TP53BP2: variants seen among roughly 807,000 people sequenced by gnomAD.
TP53BP2 encodes the protein apoptosis-stimulating of p53 protein 2.
Under a neutral mutation model 126.2 loss-of-function variants are expected in TP53BP2, and 62 were observed. The ratio of observed to expected loss-of-function variants is 0.49; its 90% CI spans 0.40 to 0.61. The LOEUF is 0.61. TP53BP2 is among the 20% of genes least tolerant of loss of function. The pLI, the probability that TP53BP2 is intolerant of heterozygous loss-of-function variation, is 0.00. For missense variants in TP53BP2, 1,215 were observed against 1,402.8 expected, an observed-to-expected ratio of 0.87 and a Z score of 2.14; for synonymous variants, 485 against 502.9, an observed-to-expected ratio of 0.96 and a Z score of 0.48.
Position 223,845,759 on chromosome 1 carries a change from G to A in TP53BP2, c.-79C>T, listed in dbSNP as rs985634419. 66 of 1,382,754 alleles carry A rather than the reference G, an allele frequency of 4.8e-5. No homozygotes were observed. Among genetic ancestry groups the A allele is most frequent in the Non-Finnish European group, 5.9e-5 (63 of 1,059,946 alleles). 85.7% of individuals were successfully genotyped at this position (1,382,754 alleles called of 1,614,324 possible). A position where few individuals can be genotyped will look rare whatever the true frequency, so the allele number is the denominator to read the frequency against. ...CGCGGATGCGGGGGAGGGGAGCGGA[G>A]AGCGAGGCCGCCCGGACCTGTTGCG... is the stretch of plus-strand genomic sequence containing the variant. On this transcript the variant is annotated 5_prime_UTR_variant, in exon 1 of 18. Transcript: ENST00000343537.
At chr1:223,797,902 T>G (rs1662387524) in intron 12 of TP53BP2, among the ~76,000 whole-genome samples, 1 of 152,112 alleles carries the variant, frequency 6.6e-6, no homozygotes, top group African/African-American at 2.4e-5. Flanking sequence ...CAAGAACATC[T>G]GGTCAACCTA....
chr1:223,802,009 A>T, intron 9 of TP53BP2, 107 bp downstream of exon 9: 1 of 1,130,120 alleles, frequency 8.8e-7, no homozygotes, highest in Non-Finnish European at 1.3e-6. Context: ...AAGGATTTTT[A>T]GAATTCAAAC....
chr1:223,821,192 A>G, intron 2 of TP53BP2, 28 bp downstream of exon 2: 1 of 1,613,818 alleles, frequency 6.2e-7, no homozygotes, highest in South Asian at 1.1e-5. Flanking sequence ...CAGAAGAACT[A>G]AAGCACGAGG....
At chr1:223,816,348 G>A (rs2102867956) in intron 2 of TP53BP2, among the ~76,000 whole-genome samples, 1 of 152,150 alleles carries the variant, frequency 6.6e-6, no homozygotes, top group East Asian at 1.9e-4. Flanking sequence ...GGAGAAGAAA[G>A]GCTAAACACT....
intron 5 of TP53BP2, among the ~76,000 whole-genome samples, chr1:223,805,136 T>A (rs781654664): frequency 2.2e-4 from 34 of 152,128 alleles, no homozygotes; most frequent in Non-Finnish European, 3.2e-4. Flanking sequence ...TAGATTAGTA[T>A]GCCTAGAACA....
chr1:223,794,496 G>A (rs183830895), intron 13 of TP53BP2, among the ~76,000 whole-genome samples: 1 of 152,256 alleles, frequency 6.6e-6, no homozygotes, highest in Admixed American at 6.5e-5. Context: ...AATCGAGAAG[G>A]AAAAGGTAAG....
chr1:223,831,478 A>ATATATAT (rs1397956645), intron 1 of TP53BP2, among the ~76,000 whole-genome samples: 58 of 43,536 alleles, frequency 1.3e-3, no homozygotes, highest in Non-Finnish European at 1.5e-3. Context: ...AAAAAAAAAA[A>ATATATAT]AAATATATAT....
chr1:223,798,130 T>A, intron 12 of TP53BP2, 85 bp downstream of exon 12: 1 of 1,246,620 alleles, frequency 8.0e-7, no homozygotes, highest in South Asian at 1.4e-5. Flanking sequence ...AAAATAGGGA[T>A]TAGTTATTTT....
rs776966917 is a variant in TP53BP2, at chr1:223,796,592, T to C, written c.1949-2A>G. ...CAGCAATTACAGGCTTACCATATAC[T>C]AATTGGAAAAGGAAAAAAAAAAGCC... On this transcript the variant is annotated splice_acceptor_variant, in intron 12 of 17. Coordinates refer to ENST00000343537, the MANE Select transcript of TP53BP2 (RefSeq NM_001031685.3). LOFTEE classifies it high-confidence loss of function. The surrounding 1 kb of genome is among the most constrained non-coding windows in gnomAD (Gnocchi z 4.2). 6.5e-7 allele frequency: 1 copy of C among 1,541,130 alleles called. No individual in the cohort carries two copies. Among genetic ancestry groups the C allele is most frequent in the Non-Finnish European group, 8.7e-7 (1 of 1,151,484 alleles).
intron 1 of TP53BP2, among the ~76,000 whole-genome samples, chr1:223,839,462 C>A (rs1028481859): frequency 1.3e-5 from 2 of 152,194 alleles, no homozygotes; most frequent in African/African-American, 4.8e-5. Context: ...TGTGGAAGAA[C>A]AGTAAATTGC....
At chr1:223,836,382 C>T (rs1181728507) in intron 1 of TP53BP2, among the ~76,000 whole-genome samples, 1 of 152,174 alleles carries the variant, frequency 6.6e-6, no homozygotes, top group Non-Finnish European at 1.5e-5. Flanking sequence ...CAAGGCATTC[C>T]CACTACTGTG....
Position 223,789,158 on chromosome 1 carries a change from C to G in TP53BP2, c.3013G>C (p.Ala1005Pro), listed in dbSNP as rs1394046547. 6.2e-7 allele frequency: 1 copy of G among 1,614,034 alleles called. No individual in the cohort carries two copies. Among genetic ancestry groups the G allele is most frequent in the Non-Finnish European group, 8.5e-7 (1 of 1,180,022 alleles). ...ACTTGGACGTTGTTACATGAGGCAG[C>G]ACAATGTAATGGAGTCCTGTGAAGC... ...DSDGWTPLHCAASCNNVQVCK... is the reference protein window; with the variant it reads ...DSDGWTPLHCPASCNNVQVCK... The change falls in exon 16 of 18, where the codon GCT (alanine) becomes CCT (proline). Residue 1005 changes from alanine to proline, a missense_variant. Ala to Pro is a conservative substitution (Grantham distance 27, BLOSUM62 -1). Coordinates refer to ENST00000343537, the MANE Select transcript of TP53BP2 (RefSeq NM_001031685.3).
rs776125988 is a variant in TP53BP2 at position 223,796,238 on chromosome 1, G to A, written c.2301C>T (p.Ala767=). 1 of 1,614,108 alleles carries A rather than the reference G, an allele frequency of 6.2e-7. No individual in the cohort carries two copies. The highest frequency in any genetic ancestry group is 1.7e-5 in the Admixed American group (1 of 60,010). The part of the protein sequence containing the change: ...KLLYQRTTIA[A]METISVPSYP... ...ATGATGGGACAGAGATGGTCTCCAT[G>A]GCCGCTATGGTGGTCCTCTGATATA... Residue 767 remains alanine, a synonymous_variant, in exon 13 of 18, where the codon GCC becomes GCT. Coordinates refer to ENST00000343537, the MANE Select transcript of TP53BP2 (RefSeq NM_001031685.3). This position sits in a 1 kb window ranked among gnomAD's most constrained non-coding sequence, Gnocchi z 4.2.
chr1:223,833,321 AT>A (rs983827197), intron 1 of TP53BP2, among the ~76,000 whole-genome samples: 3 of 152,134 alleles, frequency 2.0e-5, no homozygotes, highest in African/African-American at 4.8e-5. Flanking sequence ...TATTCAAAGG[AT>A]TTTTTTTACT....
chr1:223,802,047 T>C (rs780888866), intron 9 of TP53BP2, 69 bp downstream of exon 9: 16 of 1,450,040 alleles, frequency 1.1e-5, no homozygotes, highest in African/African-American at 1.4e-5. Flanking sequence ...AGAGAGATTT[T>C]TTTTAAACTC....
chr1:223,815,924 C>CCA (rs1663072925), intron 2 of TP53BP2, among the ~76,000 whole-genome samples: 1 of 152,172 alleles, frequency 6.6e-6, no homozygotes, highest in Non-Finnish European at 1.5e-5. Context: ...GTGTAGTAGG[C>CCA]TATACCATCT....
intron 17 of TP53BP2, among the ~76,000 whole-genome samples, chr1:223,783,849 C>G (rs912240153): frequency 3.3e-5 from 5 of 152,180 alleles, no homozygotes; most frequent in Admixed American, 1.3e-4. Context: ...GTCACAGGCT[C>G]AATTCCAATC....
At position 223,837,163 on chromosome 1, in the gene TP53BP2, G is replaced by GGA. The variant is rs1553264323; in HGVS notation, c.27+8490_27+8491insTC. ...TTAAAATTAAAAAAAAAAGGGGGGGGGCGGGGGGTCAAGGAACTTTTAGGT... is the reference window on the plus strand; with the variant it reads ...TTAAAATTAAAAAAAAAAGGGGGGGGGAGCGGGGGGTCAAGGAACTTTTAGGT... On this transcript the variant is annotated intron_variant, in intron 1 of 17. Transcript: ENST00000343537. Among the ~76,000 whole-genome samples the GGA allele has an allele frequency of 1.7e-3, 208 of 124,908 alleles. 3 individuals carry two copies. The highest frequency in any genetic ancestry group is 6.1e-3 in the African/African-American group (195 of 32,148). The allele number at this position is 124,908 out of a possible 152,430, so 81.9% of individuals were successfully genotyped here.
intron 2 of TP53BP2, among the ~76,000 whole-genome samples, chr1:223,820,814 G>A (rs749797216): frequency 2.6e-5 from 4 of 152,164 alleles, no homozygotes; most frequent in African/African-American, 4.8e-5. Flanking sequence ...TAATGCCCAC[G>A]AGTTCACCAC....
Sources: allele counts gnomAD v4.1 joint callset (sites outside exome capture counted in the v4.1 genomes callset), GRCh38; gene constraint gnomAD v4.1.1; non-coding constraint Gnocchi (gnomAD v3.1); transcripts MANE v1.5; gene names NCBI Gene and HGNC (gene_info 2026-07-23, HGNC 2026-07-21).